Variants in PDE4C observed in about 807,000 individuals in gnomAD.
PDE4C encodes the protein phosphodiesterase 4C.
A neutral mutation model predicts 63.9 loss-of-function variants in PDE4C; 50 were observed. The ratio of observed to expected loss-of-function variants is 0.78; its 90% CI spans 0.62 to 0.99. The LOEUF is 0.99. PDE4C is among the 50% of genes least tolerant of loss of function. PDE4C has a pLI of 0.00. For missense variants in PDE4C, 777 were observed against 899.1 expected (o/e 0.86, Z 1.74); for synonymous variants, 377 against 385.1 (o/e 0.98, Z 0.25).
chr19:18,240,704 G>C (rs532746952), intron 1 of PDE4C, among the ~76,000 whole-genome samples: 1 of 152,130 alleles, frequency 6.6e-6, no homozygotes, highest in Non-Finnish European at 1.5e-5. Context: ...CTCCAGCCTG[G>C]CAACAGAGCG....
At chr19:18,232,768 T>A (rs967496220) in intron 1 of PDE4C, among the ~76,000 whole-genome samples, 27 of 151,968 alleles carry the variant, frequency 1.8e-4, no homozygotes, top group Non-Finnish European at 3.8e-4. Flanking sequence ...CCACAAGCCA[T>A]GATGACACCA....
the PDE4C span, among the ~76,000 whole-genome samples, chr19:18,253,465 C>T: frequency 1.3e-5 from 2 of 151,724 alleles, no homozygotes; most frequent in African/African-American, 4.8e-5. Flanking sequence ...GTGGGAGGAT[C>T]GCTTGAGTCC....
chr19:18,223,821 G>A (rs1968600126), intron 1 of PDE4C, among the ~76,000 whole-genome samples: 2 of 152,234 alleles, frequency 1.3e-5, no homozygotes, highest in Non-Finnish European at 2.9e-5. Flanking sequence ...TCTACCTGGA[G>A]GAGGCCGGGG....
rs775441155 is a variant in PDE4C, at chr19:18,218,313, C to T, written c.1134+21G>A. On this transcript the variant is annotated intron_variant, in intron 10 of 14. Coordinates refer to ENST00000262805, the Ensembl canonical transcript of PDE4C. ...TCTGGGCCCTGCACCCGCCCACCTG[C>T]CTGCAGTCATGGCGCAGTACCTCGA... 1.7e-5 allele frequency: 27 copies of T among 1,613,624 alleles called. 1 individual carries two copies. The highest frequency in any genetic ancestry group is 3.3e-4 in the Middle Eastern group (2 of 6,084).
chr19:18,237,786 T>C (rs926045459), upstream of PDE4C, among the ~76,000 whole-genome samples: 1 of 143,340 alleles, frequency 7.0e-6, no homozygotes. Flanking sequence ...GGCAGGAGAA[T>C]AGTGTGAACC....
chr19:18,222,073 G>C (rs1968505097), intron 2 of PDE4C, 59 bp downstream of exon 2: 1 of 1,452,056 alleles, frequency 6.9e-7, no homozygotes, highest in Non-Finnish European at 9.5e-7. Context: ...TTGCTGAATA[G>C]AGGAACAAAG....
rs1968521929 is a variant in PDE4C, at chr19:18,222,342, T to C, written c.147-19A>G. The C allele has an allele frequency of 6.3e-7, 1 of 1,599,656 alleles. No individual in the cohort carries two copies. The highest frequency in any genetic ancestry group is 1.3e-5 in the African/African-American group (1 of 74,540). On this transcript the variant is annotated intron_variant, in intron 1 of 14. Transcript: ENST00000262805. ...GTCAAAGCTGAAAGGAGAGACGGCA[T>C]GGTCAGAGACGAGGGTCATGACAAC... is the stretch of plus-strand genomic sequence containing the variant.
intron 1 of PDE4C, among the ~76,000 whole-genome samples, chr19:18,232,155 A>G (rs527969488): frequency 1.8e-4 from 28 of 152,260 alleles, no homozygotes; most frequent in Non-Finnish European, 1.5e-4. Context: ...ACTTGAGGCC[A>G]AGAGTTCAAG....
upstream of PDE4C, among the ~76,000 whole-genome samples, chr19:18,249,264 C>A (rs536367350): frequency 1.3e-5 from 2 of 152,158 alleles, no homozygotes; most frequent in South Asian, 4.1e-4. Context: ...CCACCATGCC[C>A]GGCACCCCCA....
chr19:18,231,800 T>C (rs571998619), intron 1 of PDE4C, among the ~76,000 whole-genome samples: 3 of 152,192 alleles, frequency 2.0e-5, no homozygotes, highest in East Asian at 3.9e-4. Context: ...GAGACCCTCA[T>C]GTAGGGCCCC....
At chr19:18,250,196 G>A (rs1034818606), upstream of PDE4C, 5 of 398,720 alleles carry the variant, frequency 1.3e-5, no homozygotes, top group Non-Finnish European at 2.2e-5. Context: ...GGAACACACA[G>A]GGAGGCATTC....
chr19:18,226,169 G>A, intron 1 of PDE4C, 101 bp downstream of exon 1: 2 of 957,398 alleles, frequency 2.1e-6, no homozygotes, highest in Non-Finnish European at 1.6e-6. Context: ...CCGGACTCCG[G>A]CCCCGGCCCC....
chr19:18,219,306 G>C, exon 8 of PDE4C: 1 of 1,614,186 alleles, frequency 6.2e-7, no homozygotes, highest in African/African-American at 1.3e-5. Context: ...GGCTGGCACT[G>C]TGGCAGAGCC....
intron 11 of PDE4C, among the ~76,000 whole-genome samples, chr19:18,217,632 C>T (rs947653519): frequency 3.3e-5 from 5 of 152,086 alleles, no homozygotes; most frequent in East Asian, 3.9e-4. Flanking sequence ...CGCGGTGGCT[C>T]GTGCCTGTAA....
chr19:18,239,245 G>A (rs1445272587), intron 1 of PDE4C, among the ~76,000 whole-genome samples: 3 of 152,200 alleles, frequency 2.0e-5, no homozygotes, highest in African/African-American at 4.8e-5. Flanking sequence ...GCAATTCTGA[G>A]CTTCAGTGCC....
chr19:18,234,320 AT>A (rs746400844), upstream of PDE4C: 3 of 152,234 alleles, frequency 2.0e-5, no homozygotes, highest in Non-Finnish European at 2.9e-5. Flanking sequence ...GCAGGATCTC[AT>A]TCGCCCTGAG....
exon 10 of PDE4C, chr19:18,218,426 G>T (rs746619948): frequency 1.9e-6 from 3 of 1,614,086 alleles, no homozygotes. Flanking sequence ...GCGTGGTAGT[G>T]ACCTTCCAGC....
At chr19:18,213,261 G>A (rs905434819) in intron 13 of PDE4C, 107 bp downstream of exon 13, 5 of 1,023,862 alleles carry the variant, frequency 4.9e-6, no homozygotes, top group Non-Finnish European at 5.2e-6. Flanking sequence ...TCCAGCCTGG[G>A]CGACAGAGTG....
intron 1 of PDE4C, among the ~76,000 whole-genome samples, chr19:18,241,368 A>G (rs1405617368): frequency 7.4e-6 from 1 of 134,788 alleles, no homozygotes; most frequent in East Asian, 2.1e-4. Context: ...CTAGTTTCAC[A>G]CCATTCTCCG....
Sources: allele counts gnomAD v4.1 joint callset (sites outside exome capture counted in the v4.1 genomes callset), GRCh38; gene constraint gnomAD v4.1.1; transcripts MANE v1.5; gene names NCBI Gene and HGNC (gene_info 2026-07-23, HGNC 2026-07-21).